Variants in LRMDA observed in about 807,000 individuals in gnomAD.
The protein encoded by LRMDA is leucine rich melanocyte differentiation associated.
A neutral mutation model predicts 29.8 loss-of-function variants in LRMDA; 18 were observed. That is an observed-to-expected ratio of 0.60 (90% CI 0.42 to 0.90). The LOEUF (loss-of-function observed/expected upper bound fraction) is 0.90, where lower values mean the gene tolerates loss of function less well. Ranked by LOEUF, LRMDA falls within the 40% of genes least tolerant of loss-of-function variation. LRMDA has a pLI of 0.00. For missense variants in LRMDA, 273 were observed against 273.9 expected (o/e 1.00, Z 0.02); for synonymous variants, 125 against 109.4 (o/e 1.14, Z -0.89).
intron 5 of LRMDA, among the ~76,000 whole-genome samples, chr10:76,060,232 C>A (rs1315868570): frequency 6.6e-6 from 1 of 152,158 alleles, no homozygotes; most frequent in Non-Finnish European, 1.5e-5. Flanking sequence ...TCTGTATTCA[C>A]GTGTATACCT....
At chr10:75,473,439 C>A (rs760969366) in intron 2 of LRMDA, among the ~76,000 whole-genome samples, 17 of 152,146 alleles carry the variant, frequency 1.1e-4, no homozygotes, top group Non-Finnish European at 2.1e-4. Context: ...GATGCGTTTC[C>A]GAAGTTCAGT....
In LRMDA at chr10:75,690,491, T is replaced by G. The variant is rs548084919; in HGVS notation, c.131+251997T>G. 5.3e-5 allele frequency among the ~76,000 whole-genome samples: 8 copies of G among 151,752 alleles called. No individual in the cohort carries two copies. The South Asian group carries it at 1.5e-3, about 28-fold the overall frequency. On this transcript the variant is annotated intron_variant, in intron 2 of 6. Coordinates refer to ENST00000611255, the MANE Select transcript of LRMDA (RefSeq NM_001305581.2). ...AGCTAATTTTATATTTTTATTGTTA[T>G]TTTTTTTAAAGACAGGGTCTTGCTA...
At chr10:76,200,541 T>C (rs1851406876) in intron 5 of LRMDA, among the ~76,000 whole-genome samples, 1 of 152,112 alleles carries the variant, frequency 6.6e-6, no homozygotes, top group African/African-American at 2.4e-5. Context: ...GATGGTCATA[T>C]GGGTTTGTAG....
intron 2 of LRMDA, among the ~76,000 whole-genome samples, chr10:75,799,061 G>A (rs1843702427): frequency 6.6e-6 from 1 of 152,172 alleles, no homozygotes; most frequent in Non-Finnish European, 1.5e-5. Context: ...TTATTCAGTA[G>A]TGTGTCCACA....
chr10:76,535,227 A>C (rs551324910), intron 6 of LRMDA, among the ~76,000 whole-genome samples: 2 of 152,312 alleles, frequency 1.3e-5, no homozygotes, highest in South Asian at 2.1e-4. Context: ...CATGGGTCTT[A>C]TGCATTTTTG....
chr10:75,728,426 C>CTG (rs34902461), intron 2 of LRMDA, among the ~76,000 whole-genome samples: 17,535 of 138,132 alleles, frequency 0.13, 1,156 homozygotes, highest in Non-Finnish European at 0.16. Context: ...ATACGTGGCT[C>CTG]TGTGTGTGTG....
At chr10:75,763,809 T>C (rs923330601) in intron 2 of LRMDA, among the ~76,000 whole-genome samples, 6 of 151,894 alleles carry the variant, frequency 4.0e-5, no homozygotes, top group African/African-American at 1.5e-4. Context: ...GTTGGGAAAC[T>C]TGGTTTCCAA....
intron 6 of LRMDA, among the ~76,000 whole-genome samples, chr10:76,361,125 G>T (rs1176956123): frequency 6.6e-6 from 1 of 152,086 alleles, no homozygotes; most frequent in Non-Finnish European, 1.5e-5. Flanking sequence ...GTTGGATGCT[G>T]TGTTGTGTGC....
At chr10:75,708,538 A>G (rs1842397090) in intron 2 of LRMDA, among the ~76,000 whole-genome samples, 1 of 152,264 alleles carries the variant, frequency 6.6e-6, no homozygotes, top group South Asian at 2.1e-4. Context: ...TACTGAGAAA[A>G]TGGAGTGCAT....
chr10:75,677,233 A>T (rs577832480), intron 2 of LRMDA, among the ~76,000 whole-genome samples: 108 of 152,318 alleles, frequency 7.1e-4, no homozygotes, highest in Non-Finnish European at 1.4e-3. Context: ...TAATTTATAG[A>T]CTAAGAAGAG....
intron 2 of LRMDA, among the ~76,000 whole-genome samples, chr10:75,923,387 A>G (rs921131178): frequency 6.6e-5 from 10 of 152,300 alleles, no homozygotes; most frequent in Middle Eastern, 3.4e-3. Context: ...GGTGATGGGT[A>G]CCCTCAAAAT....
chr10:75,697,834 A>AGTGTGTGTGTGT lies in LRMDA; in HGVS notation c.131+259346_131+259357dup, dbSNP rs377639647. On this transcript the variant is annotated intron_variant, in intron 2 of 6. Coordinates refer to ENST00000611255, the MANE Select transcript of LRMDA (RefSeq NM_001305581.2). ...TCTCTCTGTATTATGTGCATGTAAG[A>AGTGTGTGTGTGT]GTGTGTGTGTGTGTGTGCGTGTGTG... Among the ~76,000 whole-genome samples the AGTGTGTGTGTGT allele has an allele frequency of 1.7e-4, 23 of 132,144 alleles. 1 individual carries two copies. Among genetic ancestry groups the AGTGTGTGTGTGT allele is most frequent in the African/African-American group, 7.1e-4 (23 of 32,182 alleles). 86.7% of individuals were successfully genotyped at this position (132,144 alleles called of 152,430 possible).
chr10:75,650,839 G>A (rs1040295450), intron 2 of LRMDA, among the ~76,000 whole-genome samples: 1 of 152,108 alleles, frequency 6.6e-6, no homozygotes, highest in Non-Finnish European at 1.5e-5. Flanking sequence ...GGTCAGCACC[G>A]GGGTGAGGAT....
rs78783378 is a variant in LRMDA at position 75,571,072 on chromosome 10, A to G, written c.131+132578A>G. Among the ~76,000 whole-genome samples, 1,429 of 152,326 alleles carry G rather than the reference A, an allele frequency of 9.4e-3. 27 individuals are homozygous for G. Among genetic ancestry groups the G allele is most frequent in the African/African-American group, 0.032 (1,337 of 41,562 alleles). ...TAGGGGCATCTAGGAAGATTTAAAT[A>G]TCTGCATAATTTGACCCCATGGTTT... On this transcript the variant is annotated intron_variant, in intron 2 of 6. Coordinates refer to ENST00000611255, the MANE Select transcript of LRMDA (RefSeq NM_001305581.2).
At chr10:75,839,299 A>C (rs1271740552) in intron 2 of LRMDA, among the ~76,000 whole-genome samples, 1 of 152,194 alleles carries the variant, frequency 6.6e-6, no homozygotes, top group African/African-American at 2.4e-5. Context: ...GATGTTGTGA[A>C]TTTTCACAGG....
intron 6 of LRMDA, among the ~76,000 whole-genome samples, chr10:76,495,701 AT>A (rs1842875238): frequency 2.0e-5 from 3 of 151,720 alleles, no homozygotes; most frequent in Admixed American, 6.6e-5. Context: ...GAATTTTGTA[AT>A]TTTTTTATAC....
intron 6 of LRMDA, among the ~76,000 whole-genome samples, chr10:76,372,113 A>G (rs1156953840): frequency 1.3e-5 from 2 of 152,190 alleles, no homozygotes; most frequent in African/African-American, 4.8e-5. Context: ...AGCTTTAGCC[A>G]TAGTCTTTCT....
At chr10:75,866,018 C>T (rs1176993119) in intron 2 of LRMDA, among the ~76,000 whole-genome samples, 1 of 152,148 alleles carries the variant, frequency 6.6e-6, no homozygotes, top group Non-Finnish European at 1.5e-5. Context: ...TTTAACAGAG[C>T]TCTGCAAATT....
At chr10:76,189,692 A>G (rs1292294599) in intron 5 of LRMDA, among the ~76,000 whole-genome samples, 1 of 152,170 alleles carries the variant, frequency 6.6e-6, no homozygotes, top group African/African-American at 2.4e-5. Flanking sequence ...ATTAAGTTCA[A>G]ATTAATTTAA....
Sources: allele counts gnomAD v4.1 joint callset (sites outside exome capture counted in the v4.1 genomes callset), GRCh38; gene constraint gnomAD v4.1.1; transcripts MANE v1.5; gene names NCBI Gene and HGNC (gene_info 2026-07-23, HGNC 2026-07-21).